The following CLVS1 variants were observed in gnomAD, a reference collection of about 807,000 sequenced individuals.
CLVS1 encodes clavesin-1.
In CLVS1, 10 loss-of-function variants were observed where a neutral mutation model predicts 33.1. That is an observed-to-expected ratio of 0.30 (90% CI 0.19 to 0.51). The LOEUF is 0.51. CLVS1 is among the 20% of genes least tolerant of loss of function. The pLI is 0.97. For synonymous variants in CLVS1, 163 were observed against 166.1 expected, an observed-to-expected ratio of 0.98 and a Z score of 0.14; for missense variants, 343 against 433.4, an observed-to-expected ratio of 0.79 and a Z score of 1.85.
intron 1 of CLVS1, among the ~76,000 whole-genome samples, chr8:61,093,432 G>T (rs1185131731): frequency 6.6e-6 from 1 of 152,142 alleles, no homozygotes; most frequent in African/African-American, 2.4e-5. Context: ...AACTGTGTGG[G>T]TCATTCAGGT....
At chr8:61,074,578 C>G (rs1030518182) in intron 1 of CLVS1, among the ~76,000 whole-genome samples, 2 of 151,150 alleles carry the variant, frequency 1.3e-5, no homozygotes. Flanking sequence ...AAAGCTCAAC[C>G]TATGTCTTTG....
chr8:61,128,225 A>G (rs1425695186), intron 1 of CLVS1, among the ~76,000 whole-genome samples: 2 of 152,328 alleles, frequency 1.3e-5, no homozygotes, highest in East Asian at 1.9e-4. Flanking sequence ...AGTACATCCA[A>G]TCTGAAAGTT....
intron 2 of CLVS1, among the ~76,000 whole-genome samples, chr8:61,145,909 G>T (rs1051817946): frequency 1.3e-5 from 2 of 152,208 alleles, no homozygotes; most frequent in Non-Finnish European, 2.9e-5. Context: ...GTGAGGAAAC[G>T]GAGGCACAGA....
intron 1 of CLVS1, among the ~76,000 whole-genome samples, chr8:61,099,564 A>G (rs1805411007): frequency 6.6e-6 from 1 of 152,194 alleles, no homozygotes; most frequent in Non-Finnish European, 1.5e-5. Context: ...GGAGATATTT[A>G]CAAAGTGTAG....
chr8:61,251,035 G>A (rs1379548728), intron 2 of CLVS1, among the ~76,000 whole-genome samples: 3 of 152,164 alleles, frequency 2.0e-5, no homozygotes, highest in African/African-American at 7.2e-5. Context: ...CATTCAGTAT[G>A]ATATTGGCTG....
the CLVS1 span, among the ~76,000 whole-genome samples, chr8:61,022,866 C>T: frequency 6.6e-6 from 1 of 152,220 alleles, no homozygotes; most frequent in Non-Finnish European, 1.5e-5. Context: ...TGTGCACCTC[C>T]CTCTGTTTAT....
the CLVS1 span, among the ~76,000 whole-genome samples, chr8:61,001,922 C>A: frequency 6.6e-6 from 1 of 152,140 alleles, no homozygotes; most frequent in Admixed American, 6.5e-5. Flanking sequence ...CTCAATCTGT[C>A]GACTGTAATT....
intron 2 of CLVS1, among the ~76,000 whole-genome samples, chr8:61,200,546 G>A (rs2129304843): frequency 6.6e-6 from 1 of 152,330 alleles, no homozygotes; most frequent in South Asian, 2.1e-4. Context: ...TATAAAACCT[G>A]CTGTGAACAT....
intron 1 of CLVS1, among the ~76,000 whole-genome samples, chr8:61,060,079 G>C (rs1804557737): frequency 6.6e-6 from 1 of 152,128 alleles, no homozygotes; most frequent in South Asian, 2.1e-4. Context: ...TCACCTTTGG[G>C]CTGTAGCATG....
intron 3 of CLVS1, among the ~76,000 whole-genome samples, chr8:61,411,744 G>T (rs974251740): frequency 6.6e-6 from 1 of 152,194 alleles, no homozygotes; most frequent in Non-Finnish European, 1.5e-5. Context: ...GCCTCCCATG[G>T]TGGGTCACCT....
intron 2 of CLVS1, among the ~76,000 whole-genome samples, chr8:61,199,294 G>T (rs534273038): frequency 6.6e-6 from 1 of 152,246 alleles, no homozygotes; most frequent in African/African-American, 2.4e-5. Context: ...CACAGCAGAA[G>T]AAATAATCAA....
At chr8:61,273,212 C>G (rs1809483944) in intron 2 of CLVS1, among the ~76,000 whole-genome samples, 1 of 151,216 alleles carries the variant, frequency 6.6e-6, no homozygotes, top group Non-Finnish European at 1.5e-5. Flanking sequence ...TTCTAACAGA[C>G]AGGACCCTCA....
intron 3 of CLVS1, among the ~76,000 whole-genome samples, chr8:61,451,812 CAGAGAGAGAGAGAG>C (rs71257362): frequency 2.1e-5 from 3 of 142,934 alleles, no homozygotes; most frequent in South Asian, 2.3e-4. Context: ...CACACACACA[CAGAGAGAGAGAGAG>C]AGAGAGAGAG....
rs190829232 is a variant in CLVS1, at chr8:61,077,660, G to A, written c.-243+20430G>A. Among the ~76,000 whole-genome samples, 437 of 152,202 alleles carry A rather than the reference G, an allele frequency of 2.9e-3. 2 individuals carry two copies. The highest frequency in any genetic ancestry group is 3.5e-3 in the Non-Finnish European group (235 of 68,018). On this transcript the variant is annotated intron_variant, in intron 1 of 2. Coordinates refer to the CLVS1 transcript ENST00000522621. ...TTGGCTAATTTTTGTATTTTTATTAGAGACGAGGTTTCACTGTGTTGGTCA... is the reference window on the plus strand; with the variant it reads ...TTGGCTAATTTTTGTATTTTTATTAAAGACGAGGTTTCACTGTGTTGGTCA...
At chr8:61,336,007 G>C (rs1260157436) in intron 2 of CLVS1, among the ~76,000 whole-genome samples, 3 of 152,140 alleles carry the variant, frequency 2.0e-5, no homozygotes, top group Non-Finnish European at 4.4e-5. Flanking sequence ...TAGAGGAATG[G>C]CTGCCTGAGG....
chr8:60,975,340 A>G, the CLVS1 span, among the ~76,000 whole-genome samples: 1 of 152,140 alleles, frequency 6.6e-6, no homozygotes, highest in African/African-American at 2.4e-5. Flanking sequence ...AGTGTTTGTT[A>G]TTATTTTTAA....
At chr8:61,175,653 G>A (rs574697515) in intron 2 of CLVS1, among the ~76,000 whole-genome samples, 2 of 152,270 alleles carry the variant, frequency 1.3e-5, no homozygotes, top group East Asian at 1.9e-4. Context: ...GTATACAGAC[G>A]CAGAAATTGG....
At chr8:61,026,445 G>C in the CLVS1 span, among the ~76,000 whole-genome samples, 4 of 152,182 alleles carry the variant, frequency 2.6e-5, no homozygotes, top group Non-Finnish European at 5.9e-5. Context: ...GCTGAGGTGA[G>C]GGAATTAATT....
intron 1 of CLVS1, among the ~76,000 whole-genome samples, chr8:61,291,833 G>T (rs941789381): frequency 6.6e-5 from 10 of 152,096 alleles, no homozygotes; most frequent in African/African-American, 2.4e-4. Flanking sequence ...ACACATTGTG[G>T]GTACTTTTAT....
Sources: allele counts gnomAD v4.1 joint callset (sites outside exome capture counted in the v4.1 genomes callset), GRCh38; gene constraint gnomAD v4.1.1; transcripts MANE v1.5; gene names NCBI Gene and HGNC (gene_info 2026-07-23, HGNC 2026-07-21).